CSMD1: variants seen among roughly 807,000 people sequenced by gnomAD.
The protein encoded by CSMD1 is CUB and Sushi multiple domains 1, also known as CUB and sushi domain-containing protein 1.
Under a neutral mutation model 417.5 loss-of-function variants are expected in CSMD1, and 213 were observed. The observed-to-expected ratio is 0.51, with a 90% CI of 0.46 to 0.57. The LOEUF is 0.57. CSMD1 is among the 20% of genes least tolerant of loss of function. The pLI is 0.00. For missense variants in CSMD1, 6,923 were observed against 4,529.7 expected (o/e 1.53, Z -15.17); for synonymous variants, 2,862 against 1,736.8 (o/e 1.65, Z -16.11).
chr8:4,246,802 G>C (rs962893915), intron 3 of CSMD1, among the ~76,000 whole-genome samples: 2 of 152,130 alleles, frequency 1.3e-5, no homozygotes, highest in African/African-American at 2.4e-5. Flanking sequence ...AAGAAATGTA[G>C]TATAGGACAT....
chr8:3,761,500 ATTTTT>A lies in CSMD1; in HGVS notation c.819-7463_819-7459del, dbSNP rs57655479. Among the ~76,000 whole-genome samples the A allele has an allele frequency of 2.1e-3, 199 of 93,398 alleles. 1 individual carries two copies. Among genetic ancestry groups the A allele is most frequent in the African/African-American group, 7.4e-3 (188 of 25,300 alleles). 61.3% of individuals were successfully genotyped at this position (93,398 alleles called of 152,430 possible). ...CAACAGTTCTTTAATCAAAACGACC[ATTTTT>A]TTTTTTTTTTTTTTTTTTGAGATGG... On this transcript the variant is annotated intron_variant, in intron 5 of 69. Transcript: ENST00000635120.
intron 3 of CSMD1, among the ~76,000 whole-genome samples, chr8:4,164,589 T>C (rs557870152): frequency 2.0e-5 from 3 of 152,328 alleles, no homozygotes; most frequent in South Asian, 2.1e-4. Context: ...AATGTTTTCA[T>C]AGTAGTAATT....
chr8:4,793,205 T>C (rs1285264642), intron 1 of CSMD1, among the ~76,000 whole-genome samples: 7 of 152,132 alleles, frequency 4.6e-5, no homozygotes, highest in African/African-American at 1.7e-4. Context: ...TAAAAATTAA[T>C]TGCAGCACAA....
At chr8:3,774,930 C>G (rs973344697) in intron 5 of CSMD1, among the ~76,000 whole-genome samples, 2 of 152,132 alleles carry the variant, frequency 1.3e-5, no homozygotes, top group African/African-American at 2.4e-5. Context: ...AGGCTACTGA[C>G]TGACCAGCGA....
intron 1 of CSMD1, among the ~76,000 whole-genome samples, chr8:4,808,857 C>T (rs557155296): frequency 6.6e-6 from 1 of 152,314 alleles, no homozygotes; most frequent in Admixed American, 6.5e-5. Context: ...CTCTCCATGT[C>T]TCTCCAACAA....
intron 5 of CSMD1, among the ~76,000 whole-genome samples, chr8:3,929,666 T>A (rs1051334353): frequency 8.8e-6 from 1 of 114,236 alleles, no homozygotes; most frequent in Admixed American, 8.4e-5. Context: ...ATAAAAATAC[T>A]ATTTTTTTTT....
chr8:3,319,065 C>T (rs1374188353), intron 23 of CSMD1, among the ~76,000 whole-genome samples: 2 of 152,170 alleles, frequency 1.3e-5, no homozygotes, highest in Non-Finnish European at 2.9e-5. Flanking sequence ...ATCCTCAGAA[C>T]ATACTGCAAA....
intron 2 of CSMD1, among the ~76,000 whole-genome samples, chr8:4,476,579 G>C (rs915843703): frequency 3.3e-5 from 5 of 152,036 alleles, no homozygotes; most frequent in African/African-American, 1.2e-4. Context: ...TAATCAAATA[G>C]GTCTCCACAA....
intron 3 of CSMD1, among the ~76,000 whole-genome samples, chr8:4,308,311 G>T (rs1442948956): frequency 6.6e-6 from 1 of 151,920 alleles, no homozygotes; most frequent in Non-Finnish European, 1.5e-5. Flanking sequence ...AAGTGTATGT[G>T]TGGGGTGGTG....
intron 50 of CSMD1, among the ~76,000 whole-genome samples, chr8:3,030,258 G>T (rs998151196): frequency 6.6e-6 from 1 of 151,794 alleles, no homozygotes; most frequent in Admixed American, 6.6e-5. Context: ...TTGTATGTGG[G>T]TACATATTCT....
At chr8:4,186,991 TAAATAA>T (rs1798718471) in intron 3 of CSMD1, among the ~76,000 whole-genome samples, 2 of 152,010 alleles carry the variant, frequency 1.3e-5, no homozygotes, top group Non-Finnish European at 2.9e-5. Context: ...CAAAAAAATA[TAAATAA>T]AAATAAAATA....
intron 7 of CSMD1, among the ~76,000 whole-genome samples, chr8:3,701,222 C>A (rs182554009): frequency 1.3e-5 from 2 of 152,250 alleles, no homozygotes; most frequent in African/African-American, 4.8e-5. Flanking sequence ...GCAGGTTAAG[C>A]CACGTAATCC....
chr8:4,299,675 C>T (rs1160696087), intron 3 of CSMD1, among the ~76,000 whole-genome samples: 1 of 152,108 alleles, frequency 6.6e-6, no homozygotes, highest in East Asian at 1.9e-4. Flanking sequence ...CATTCTGTCG[C>T]CAGGCTGGAT....
At chr8:4,686,463 G>A (rs1390812846) in intron 1 of CSMD1, among the ~76,000 whole-genome samples, 1 of 152,146 alleles carries the variant, frequency 6.6e-6, no homozygotes, top group Non-Finnish European at 1.5e-5. Context: ...TGCGAGAGGG[G>A]GCCTCCCCAT....
At chr8:4,802,672 C>A (rs1416032895) in intron 1 of CSMD1, among the ~76,000 whole-genome samples, 1 of 151,964 alleles carries the variant, frequency 6.6e-6, no homozygotes, top group African/African-American at 2.4e-5. Context: ...TTTGTAATAC[C>A]TCATTAATAC....
chr8:4,864,875 T>TACATACAC (rs1554505460), intron 1 of CSMD1, among the ~76,000 whole-genome samples: 1 of 146,898 alleles, frequency 6.8e-6, no homozygotes, highest in African/African-American at 2.5e-5. Flanking sequence ...TGGATTCTAC[T>TACATACAC]ACACACACAC....
At chr8:4,955,436 C>G (rs1032853456) in intron 1 of CSMD1, among the ~76,000 whole-genome samples, 2 of 149,416 alleles carry the variant, frequency 1.3e-5, no homozygotes, top group Non-Finnish European at 3.0e-5. Context: ...TGCACTACTT[C>G]GACCGCAACT....
At chr8:4,225,777 A>C (rs532053113) in intron 3 of CSMD1, among the ~76,000 whole-genome samples, 73 of 152,296 alleles carry the variant, frequency 4.8e-4, no homozygotes, top group African/African-American at 1.8e-3. Context: ...ATTCAAATCT[A>C]TTCAGAGTGA....
intron 2 of CSMD1, among the ~76,000 whole-genome samples, chr8:4,589,972 C>G (rs1585296613): frequency 6.6e-6 from 1 of 152,188 alleles, no homozygotes; most frequent in South Asian, 2.1e-4. Flanking sequence ...CTAGGCTAAG[C>G]AAGTGCTTAA....
Sources: gnomAD v4.1 joint callset for allele counts (sites outside exome capture counted in the v4.1 genomes callset) on GRCh38, gnomAD v4.1.1 for gene constraint, MANE v1.5 for transcripts, NCBI Gene and HGNC (gene_info 2026-07-23, HGNC 2026-07-21) for gene names.